The following CPS1 variants were observed in gnomAD, a reference collection of about 807,000 sequenced individuals.
CPS1 encodes the protein carbamoyl-phosphate synthase 1.
Under a neutral mutation model 174.6 loss-of-function variants are expected in CPS1, and 109 were observed. That is an observed-to-expected ratio of 0.62 (90% CI 0.53 to 0.73). CPS1 has a LOEUF of 0.73. Ranked by LOEUF, CPS1 falls within the 30% of genes least tolerant of loss-of-function variation. The pLI is 0.00. For missense variants in CPS1, 1,689 were observed against 1,821.9 expected (o/e 0.93, Z 1.33); for synonymous variants, 637 against 632.0 (o/e 1.01, Z -0.12).
intron 6 of CPS1, among the ~76,000 whole-genome samples, chr2:210,583,604 C>T (rs1467888587): frequency 1.3e-5 from 2 of 152,030 alleles, no homozygotes; most frequent in Non-Finnish European, 2.9e-5. Flanking sequence ...AATGGCTTGC[C>T]AAGAGGCATA....
intron 9 of CPS1, among the ~76,000 whole-genome samples, chr2:210,591,564 T>C (rs1698298287): frequency 1.3e-5 from 2 of 152,038 alleles, no homozygotes; most frequent in African/African-American, 4.8e-5. Context: ...CTTTTTGTTA[T>C]GAGTGCAATG....
intron 32 of CPS1, among the ~76,000 whole-genome samples, chr2:210,661,293 A>G (rs1414643436): frequency 6.6e-6 from 1 of 152,186 alleles, no homozygotes; most frequent in African/African-American, 2.4e-5. Flanking sequence ...CATCAGTATG[A>G]TGGTGCACAG....
chr2:210,482,111 T>A (rs979837654), intron 1 of CPS1, among the ~76,000 whole-genome samples: 4 of 152,216 alleles, frequency 2.6e-5, no homozygotes, highest in African/African-American at 9.6e-5. Context: ...TCCTGCCTCC[T>A]GAGGGACAGG....
chr2:210,575,579 A>G (rs1286312046), intron 2 of CPS1, among the ~76,000 whole-genome samples: 1 of 151,868 alleles, frequency 6.6e-6, no homozygotes, highest in African/African-American at 2.4e-5. Context: ...CCAAACTTAA[A>G]AATATAGCCC....
At chr2:210,620,155 G>A (rs994773464) in intron 21 of CPS1, among the ~76,000 whole-genome samples, 1 of 152,006 alleles carries the variant, frequency 6.6e-6, no homozygotes, top group Non-Finnish European at 1.5e-5. Context: ...GCTTATTTAT[G>A]CAATAGCTTC....
chr2:210,577,918 G>T (rs1355023163), intron 4 of CPS1, among the ~76,000 whole-genome samples: 1 of 151,926 alleles, frequency 6.6e-6, no homozygotes. Flanking sequence ...GTGTAACTTT[G>T]TGCAGGTCAC....
At chr2:210,641,147 G>A (rs1038949470) in intron 24 of CPS1, among the ~76,000 whole-genome samples, 2 of 152,090 alleles carry the variant, frequency 1.3e-5, no homozygotes, top group African/African-American at 4.8e-5. Flanking sequence ...TCTGAGACAA[G>A]GTCTTACTAT....
intron 1 of CPS1, among the ~76,000 whole-genome samples, chr2:210,493,395 G>T (rs866040059): frequency 6.6e-6 from 1 of 152,142 alleles, no homozygotes; most frequent in Non-Finnish European, 1.5e-5. Context: ...ATTTTTCTTC[G>T]ATCCCACTTA....
chr2:210,539,958 A>T (rs1180541632), intron 1 of CPS1, among the ~76,000 whole-genome samples: 1 of 152,112 alleles, frequency 6.6e-6, no homozygotes, highest in African/African-American at 2.4e-5. Flanking sequence ...CATTTCTACT[A>T]CATTGCTCCT....
chr2:210,600,723 T>C lies in CPS1; in HGVS notation c.1707+11T>C, dbSNP rs377732856. On this transcript the variant is annotated intron_variant, in intron 15 of 37. Coordinates refer to ENST00000233072, the MANE Select transcript of CPS1 (RefSeq NM_001875.5). ...TTTGCAGTGGAATCGGTAAGGATTCTTTGCTTTGGAAAAACAAGGGCATTA... is the reference window on the plus strand; with the variant it reads ...TTTGCAGTGGAATCGGTAAGGATTCCTTGCTTTGGAAAAACAAGGGCATTA... 11 of 1,611,454 alleles carry C rather than the reference T, an allele frequency of 6.8e-6. No homozygotes were observed. Among genetic ancestry groups the C allele is most frequent in the African/African-American group, 1.3e-5 (1 of 74,886 alleles).
At chr2:210,623,173 C>A (rs564891414) in intron 21 of CPS1, among the ~76,000 whole-genome samples, 57 of 152,134 alleles carry the variant, frequency 3.7e-4, no homozygotes, top group African/African-American at 1.3e-3. Flanking sequence ...CCATTTTGCT[C>A]TCTTGTTTTT....
chr2:210,521,480 A>C (rs978084310), intron 1 of CPS1, among the ~76,000 whole-genome samples: 1 of 151,918 alleles, frequency 6.6e-6, no homozygotes, highest in Non-Finnish European at 1.5e-5. Flanking sequence ...AATTTAGAAG[A>C]TTTTAACCAC....
chr2:210,483,145 C>A (rs11887364), intron 1 of CPS1, among the ~76,000 whole-genome samples: 1 of 152,054 alleles, frequency 6.6e-6, no homozygotes, highest in Admixed American at 6.5e-5. Context: ...AGATCTATAC[C>A]TTTAAGCCAG....
At position 210,544,501 on chromosome 2, in the gene CPS1, G is replaced by T. The variant is rs576729914; in HGVS notation, c.4-12218G>T. 1.7e-4 allele frequency among the ~76,000 whole-genome samples: 26 copies of T among 152,092 alleles called. No individual in the cohort carries two copies. The South Asian group carries it at 5.0e-3, about 29-fold the overall frequency. ...TAGCTGTTTTCCATCTTCATTTCAAGAATGTTTTATATATTTAATATTAAA... is the reference window on the plus strand; with the variant it reads ...TAGCTGTTTTCCATCTTCATTTCAATAATGTTTTATATATTTAATATTAAA... On this transcript the variant is annotated intron_variant, in intron 1 of 38. Coordinates refer to the CPS1 transcript ENST00000430249.
Position 210,600,632 on chromosome 2 carries a change from G to A in CPS1, c.1627G>A (p.Ala543Thr), listed in dbSNP as rs142369181. 5.8e-5 allele frequency: 93 copies of A among 1,612,244 alleles called. No individual in the cohort carries two copies. The highest frequency in any genetic ancestry group is 3.3e-4 in the Middle Eastern group (2 of 6,048). The change falls in exon 15 of 38, where the codon GCT (alanine) becomes ACT (threonine). Residue 543 changes from alanine (A) to threonine (T), a missense_variant. By Grantham distance (58) the Ala-to-Thr change is moderately conservative. Transcript: ENST00000233072. ...GGGAACTTCAGTTGAGTCCATTATG[G>A]CTACGGAAGACAGGCAGCTGTTTTC... ...VLGTSVESIM[A>T]TEDRQLFSDK...
chr2:210,540,756 G>A (rs1415323367), intron 1 of CPS1, among the ~76,000 whole-genome samples: 2 of 152,092 alleles, frequency 1.3e-5, no homozygotes, highest in Admixed American at 6.6e-5. Flanking sequence ...ATAAAACATA[G>A]AAGCCTACTA....
chr2:210,527,147 G>T (rs533504058), intron 1 of CPS1, among the ~76,000 whole-genome samples: 67 of 150,140 alleles, frequency 4.5e-4, no homozygotes, highest in African/African-American at 1.6e-3. Flanking sequence ...ATAATACTTT[G>T]CTGTATTTCT....
chr2:210,571,198 T>A (rs960456344), intron 1 of CPS1, among the ~76,000 whole-genome samples: 3 of 151,968 alleles, frequency 2.0e-5, no homozygotes, highest in African/African-American at 7.2e-5. Flanking sequence ...AAAGTATTTT[T>A]AAATTTAGTG....
intron 1 of CPS1, among the ~76,000 whole-genome samples, chr2:210,503,657 C>T (rs1574473123): frequency 6.6e-6 from 1 of 152,060 alleles, no homozygotes; most frequent in East Asian, 1.9e-4. Context: ...TTTAGGAATC[C>T]AAAAACGATA....
Sources: allele counts gnomAD v4.1 joint callset (sites outside exome capture counted in the v4.1 genomes callset), GRCh38; gene constraint gnomAD v4.1.1; transcripts MANE v1.5; gene names NCBI Gene and HGNC (gene_info 2026-07-23, HGNC 2026-07-21).